CSMD3: variants seen among roughly 807,000 people sequenced by gnomAD.
CSMD3 encodes the protein CUB and Sushi multiple domains 3.
CSMD3 carries 177 observed loss-of-function variants against 435.2 expected under a neutral mutation model. The ratio of observed to expected loss-of-function variants is 0.41; its 90% CI spans 0.36 to 0.46. The LOEUF (loss-of-function observed/expected upper bound fraction) is 0.46. Ranked by LOEUF, CSMD3 falls within the 20% of genes least tolerant of loss-of-function variation. CSMD3 has a pLI of 0.34. For missense variants in CSMD3, 4,265 were observed against 4,504.6 expected (o/e 0.95, Z 1.52); for synonymous variants, 1,656 against 1,520.5 (o/e 1.09, Z -2.07).
intron 31 of CSMD3, among the ~76,000 whole-genome samples, chr8:112,483,797 C>T (rs1434178419): frequency 6.6e-6 from 1 of 152,134 alleles, no homozygotes; most frequent in Non-Finnish European, 1.5e-5. Context: ...CCAAACTGCT[C>T]CCTTGACAGA....
At chr8:112,408,452 T>G in intron 33 of CSMD3, 39 bp from the exon 34 acceptor site, 1 of 1,207,318 alleles carries the variant, frequency 8.3e-7, no homozygotes, top group Non-Finnish European at 1.2e-6. Flanking sequence ...CATAAATAAT[T>G]TTCATTCAGT....
intron 27 of CSMD3, among the ~76,000 whole-genome samples, chr8:112,533,645 A>G (rs184555307): frequency 2.6e-5 from 4 of 152,200 alleles, no homozygotes; most frequent in Admixed American, 1.3e-4. Flanking sequence ...AGCTAAAGGG[A>G]GAGAGAAAGA....
chr8:112,550,263 T>A (rs994009040), intron 27 of CSMD3, among the ~76,000 whole-genome samples: 1 of 151,894 alleles, frequency 6.6e-6, no homozygotes, highest in African/African-American at 2.4e-5. Context: ...AGATAATTTT[T>A]AAAAAACAGG....
intron 17 of CSMD3, among the ~76,000 whole-genome samples, chr8:112,662,877 AC>A (rs1159201543): frequency 6.6e-6 from 1 of 152,200 alleles, no homozygotes; most frequent in Non-Finnish European, 1.5e-5. Flanking sequence ...ATGAACAGAC[AC>A]TTCTCAAAAG....
intron 6 of CSMD3, among the ~76,000 whole-genome samples, chr8:112,977,630 G>A (rs149492054): frequency 1.2e-4 from 18 of 152,066 alleles, no homozygotes; most frequent in African/African-American, 3.4e-4. Flanking sequence ...AGGTTGAGTC[G>A]TCATATCTGA....
At chr8:113,346,381 A>G (rs768659736) in intron 1 of CSMD3, among the ~76,000 whole-genome samples, 14 of 152,274 alleles carry the variant, frequency 9.2e-5, no homozygotes, top group South Asian at 6.2e-4. Context: ...ATGAACTTAA[A>G]AAATCTGGAA....
At chr8:113,338,542 C>CAATAA (rs1429238547) in intron 1 of CSMD3, among the ~76,000 whole-genome samples, 1 of 151,750 alleles carries the variant, frequency 6.6e-6, no homozygotes, top group African/African-American at 2.4e-5. Flanking sequence ...TACTATTTAA[C>CAATAA]AATAAAATAA....
At chr8:113,376,916 T>C in intron 1 of CSMD3, 1 of 1,513,024 alleles carries the variant, frequency 6.6e-7, no homozygotes, top group South Asian at 1.1e-5. Flanking sequence ...GCCGTGGTTG[T>C]GGGGGCCATA....
chr8:112,615,447 GTT>G (rs1042225727), intron 22 of CSMD3, among the ~76,000 whole-genome samples: 2 of 151,848 alleles, frequency 1.3e-5, no homozygotes, highest in Non-Finnish European at 2.9e-5. Context: ...TTAATTGAGA[GTT>G]TTTTTTATCT....
At chr8:112,574,455 G>A (rs985306857) in intron 23 of CSMD3, among the ~76,000 whole-genome samples, 4 of 151,726 alleles carry the variant, frequency 2.6e-5, no homozygotes, top group East Asian at 3.9e-4. Flanking sequence ...ATGTTTTTTG[G>A]TACTTGTACT....
chr8:112,739,788 T>C (rs921449056), intron 13 of CSMD3, among the ~76,000 whole-genome samples: 1 of 151,864 alleles, frequency 6.6e-6, no homozygotes, highest in Non-Finnish European at 1.5e-5. Context: ...GTGTTTTTTC[T>C]TACATAATAT....
chr8:113,344,326 G>GT (rs796193583), intron 1 of CSMD3, among the ~76,000 whole-genome samples: 31 of 151,944 alleles, frequency 2.0e-4, no homozygotes, highest in African/African-American at 6.5e-4. Context: ...ATTCACATCT[G>GT]TTTTTTTCTT....
chr8:113,319,327 T>C (rs1411637043), intron 1 of CSMD3, among the ~76,000 whole-genome samples: 1 of 152,088 alleles, frequency 6.6e-6, no homozygotes, highest in Non-Finnish European at 1.5e-5. Context: ...GAGCATCTTT[T>C]CATATACCTT....
At chr8:113,271,433 C>A (rs1405643584) in intron 3 of CSMD3, among the ~76,000 whole-genome samples, 1 of 152,158 alleles carries the variant, frequency 6.6e-6, no homozygotes, top group Admixed American at 6.5e-5. Context: ...CTCTGCGTCC[C>A]AGCTGCTCCA....
intron 38 of CSMD3, 78 bp downstream of exon 38, chr8:112,380,274 T>G (rs1228786119): frequency 8.3e-5 from 66 of 793,236 alleles, no homozygotes; most frequent in Non-Finnish European, 1.4e-4. Context: ...CTATAATATG[T>G]ACATATCAAC....
At chr8:113,320,510 G>A (rs1184228965) in intron 1 of CSMD3, among the ~76,000 whole-genome samples, 3 of 152,020 alleles carry the variant, frequency 2.0e-5, no homozygotes, top group Non-Finnish European at 4.4e-5. Flanking sequence ...ATTCACACTT[G>A]TGTTTACTTT....
chr8:113,367,087 A>G (rs2094316940), intron 1 of CSMD3, among the ~76,000 whole-genome samples: 1 of 151,880 alleles, frequency 6.6e-6, no homozygotes, highest in Non-Finnish European at 1.5e-5. Flanking sequence ...CAGATTTACA[A>G]TATACTTCCG....
At chr8:112,540,951 G>A (rs1456095495) in intron 27 of CSMD3, among the ~76,000 whole-genome samples, 1 of 152,018 alleles carries the variant, frequency 6.6e-6, no homozygotes, top group Non-Finnish European at 1.5e-5. Context: ...AATGACAAAT[G>A]TTTGATATAA....
chr8:112,560,026 C>T (rs1828477807), intron 24 of CSMD3, among the ~76,000 whole-genome samples: 1 of 151,708 alleles, frequency 6.6e-6, no homozygotes, highest in Non-Finnish European at 1.5e-5. Flanking sequence ...AGATTCTTGA[C>T]CAAATTAATC....
Sources: allele counts gnomAD v4.1 joint callset (sites outside exome capture counted in the v4.1 genomes callset), GRCh38; gene constraint gnomAD v4.1.1; transcripts MANE v1.5; gene names NCBI Gene and HGNC (gene_info 2026-07-23, HGNC 2026-07-21).